KDM4C: variants seen among roughly 807,000 people sequenced by gnomAD.
The protein encoded by KDM4C is lysine-specific demethylase 4C.
KDM4C carries 81 observed loss-of-function variants against 129.3 expected under a neutral mutation model. The observed-to-expected ratio is 0.63, with a 90% CI of 0.52 to 0.75. KDM4C has a LOEUF of 0.75. Among genes scored for constraint, KDM4C ranks in the 30% least tolerant of loss-of-function variants. The pLI is 0.00. For missense variants in KDM4C, 1,457 were observed against 1,304.0 expected (o/e 1.12, Z -1.81); for synonymous variants, 573 against 456.1 (o/e 1.26, Z -3.26).
At chr9:7,069,184 T>C (rs1211784733) in intron 17 of KDM4C, among the ~76,000 whole-genome samples, 1 of 152,190 alleles carries the variant, frequency 6.6e-6, no homozygotes, top group Non-Finnish European at 1.5e-5. Context: ...CTTATTGTTA[T>C]TATGATGTAT....
At chr9:7,033,380 T>A (rs1042331332) in intron 15 of KDM4C, among the ~76,000 whole-genome samples, 4 of 152,220 alleles carry the variant, frequency 2.6e-5, no homozygotes, top group African/African-American at 9.6e-5. Context: ...CTCTCCTCTC[T>A]CATTTGAGGT....
chr9:6,973,286 TC>T (rs1367599105), intron 8 of KDM4C, among the ~76,000 whole-genome samples: 8 of 152,200 alleles, frequency 5.3e-5, no homozygotes, highest in Non-Finnish European at 8.8e-5. Context: ...CAAGCAATCT[TC>T]CTGTGTCAGC....
chr9:7,115,690 A>G (rs1471013498), intron 18 of KDM4C, among the ~76,000 whole-genome samples: 1 of 152,240 alleles, frequency 6.6e-6, no homozygotes. Context: ...ATTTCTAACT[A>G]AAAGGCTACT....
chr9:6,822,810 A>G (rs868685170), intron 4 of KDM4C, among the ~76,000 whole-genome samples: 1 of 152,246 alleles, frequency 6.6e-6, no homozygotes, highest in Admixed American at 6.5e-5. Flanking sequence ...TGTCTGTAGA[A>G]AAGACAGAAG....
chr9:7,091,120 C>T (rs967932618), intron 17 of KDM4C, among the ~76,000 whole-genome samples: 6 of 152,116 alleles, frequency 3.9e-5, no homozygotes, highest in East Asian at 1.9e-4. Flanking sequence ...CTGTTGAGTT[C>T]ATGAATATTT....
At chr9:7,006,888 C>G (rs1005783576) in intron 12 of KDM4C, among the ~76,000 whole-genome samples, 9 of 151,996 alleles carry the variant, frequency 5.9e-5, no homozygotes, top group African/African-American at 1.9e-4. Context: ...GTATATGATC[C>G]AGGAGTTTCA....
At chr9:6,794,893 T>C (rs898583800) in intron 2 of KDM4C, among the ~76,000 whole-genome samples, 3 of 152,186 alleles carry the variant, frequency 2.0e-5, no homozygotes, top group Admixed American at 6.5e-5. Context: ...CTATATGATA[T>C]AATTCATCGT....
At chr9:7,046,779 G>A (rs1829461163) in intron 15 of KDM4C, 83 bp from the exon 16 acceptor site, 2 of 927,750 alleles carry the variant, frequency 2.2e-6, no homozygotes, top group Admixed American at 1.8e-5. Context: ...GAAAAATCAG[G>A]ATCTCTGAGA....
chr9:7,089,789 GA>G lies in KDM4C; in HGVS notation c.2425-13891del, dbSNP rs1343600828. On this transcript the variant is annotated intron_variant, in intron 17 of 21. Transcript: ENST00000381309. ...TTTAAATTAGACTTAAAAAAACCCA[GA>G]AAAACAAAACCTTGCCATATTTTGC... Among the ~76,000 whole-genome samples, 4 of 152,326 alleles carry G rather than the reference GA, an allele frequency of 2.6e-5. No individual in the cohort carries two copies. The East Asian group carries it at 7.7e-4, about 29-fold the overall frequency.
chr9:7,082,495 G>C (rs945983437), intron 17 of KDM4C, among the ~76,000 whole-genome samples: 11 of 152,190 alleles, frequency 7.2e-5, no homozygotes, highest in Admixed American at 5.9e-4. Flanking sequence ...AGGGCTGATG[G>C]TGGAAGGGAT....
At chr9:6,960,768 A>T (rs189620351) in intron 8 of KDM4C, among the ~76,000 whole-genome samples, 119 of 152,314 alleles carry the variant, frequency 7.8e-4, no homozygotes, top group African/African-American at 2.8e-3. Flanking sequence ...GACCCAGTGC[A>T]GACATTCTCA....
intron 8 of KDM4C, chr9:6,978,746 A>G (rs1268442673): frequency 6.7e-6 from 1 of 149,016 alleles, no homozygotes; most frequent in East Asian, 2.2e-4. Flanking sequence ...CTGGATAACC[A>G]CATTCTCTCT....
chr9:6,825,692 T>A (rs1833763744), intron 4 of KDM4C, among the ~76,000 whole-genome samples: 1 of 152,230 alleles, frequency 6.6e-6, no homozygotes, highest in South Asian at 2.1e-4. Flanking sequence ...CTCCAAGATT[T>A]TTCTTCAATA....
intron 2 of KDM4C, among the ~76,000 whole-genome samples, chr9:6,803,911 T>C (rs1324332040): frequency 4.6e-5 from 7 of 152,130 alleles, no homozygotes; most frequent in Non-Finnish European, 1.5e-5. Context: ...AGCCTCCACC[T>C]CCTGGGTTCA....
At chr9:6,765,539 C>A (rs1257959686) in intron 1 of KDM4C, among the ~76,000 whole-genome samples, 2 of 152,150 alleles carry the variant, frequency 1.3e-5, no homozygotes, top group African/African-American at 4.8e-5. Flanking sequence ...AGGGCAGAGA[C>A]CAAGTATTTT....
rs780212398 is a variant in KDM4C, at chr9:7,142,225, A to G, written c.2781+13989A>G. Among the ~76,000 whole-genome samples, 4 of 152,056 alleles carry G rather than the reference A, an allele frequency of 2.6e-5. No individual in the cohort carries two copies. In the East Asian group the frequency reaches 5.8e-4, roughly 22 times the overall value. ...ACTCATTTGTGTTGTTTTGTTTCCA[A>G]CCCTTTATTCTGTGCATGCAGCCTT... On this transcript the variant is annotated intron_variant, in intron 19 of 21. Coordinates refer to ENST00000381309, the MANE Select transcript of KDM4C (RefSeq NM_015061.6).
chr9:6,725,931 A>C (rs372996665), intron 1 of KDM4C, among the ~76,000 whole-genome samples: 34 of 57,662 alleles, frequency 5.9e-4, no homozygotes, highest in Middle Eastern at 0.012. Flanking sequence ...TTCTTTCTTT[A>C]TTTTTTTTTT....
intron 17 of KDM4C, among the ~76,000 whole-genome samples, chr9:7,055,305 A>G (rs1011252215): frequency 2.6e-5 from 4 of 152,206 alleles, no homozygotes; most frequent in African/African-American, 9.6e-5. Context: ...TACATTTGAA[A>G]TCCTATTTCT....
chr9:6,991,650 G>C (rs1393398856), intron 12 of KDM4C, among the ~76,000 whole-genome samples: 2 of 152,140 alleles, frequency 1.3e-5, no homozygotes, highest in Admixed American at 6.5e-5. Context: ...CAAGTTTCTT[G>C]TTTAAATAAA....
Sources: allele counts gnomAD v4.1 joint callset (sites outside exome capture counted in the v4.1 genomes callset), GRCh38; gene constraint gnomAD v4.1.1; transcripts MANE v1.5; gene names NCBI Gene and HGNC (gene_info 2026-07-23, HGNC 2026-07-21).